Variants in PDE3A observed in about 807,000 individuals in gnomAD.
The protein encoded by PDE3A is cGMP-inhibited 3',5'-cyclic phosphodiesterase 3A.
A neutral mutation model predicts 98.3 loss-of-function variants in PDE3A; 43 were observed. That is an observed-to-expected ratio of 0.44 (90% CI 0.34 to 0.56). PDE3A has a LOEUF of 0.56. Among genes scored for constraint, PDE3A ranks in the 20% least tolerant of loss-of-function variants. The pLI, the probability that PDE3A is intolerant of heterozygous loss-of-function variation, is 0.01. For synonymous variants in PDE3A, 663 were observed against 567.9 expected (o/e 1.17, Z -2.38); for missense variants, 1,427 against 1,440.7 (o/e 0.99, Z 0.15).
intron 4 of PDE3A, among the ~76,000 whole-genome samples, chr12:20,619,602 T>G (rs1369908748): frequency 2.0e-5 from 3 of 152,096 alleles, no homozygotes; most frequent in African/African-American, 7.2e-5. Context: ...AGTGTTGTTA[T>G]CTGTTTCAGA....
At chr12:20,412,311 A>G (rs1944347867) in intron 1 of PDE3A, among the ~76,000 whole-genome samples, 1 of 152,228 alleles carries the variant, frequency 6.6e-6, no homozygotes, top group African/African-American at 2.4e-5. Flanking sequence ...CTTTTATTGC[A>G]TGATTGCCAG....
intron 1 of PDE3A, among the ~76,000 whole-genome samples, chr12:20,519,993 A>C (rs147672183): frequency 1.3e-5 from 2 of 152,282 alleles, no homozygotes; most frequent in African/African-American, 4.8e-5. Flanking sequence ...GATGCAGCTG[A>C]TTCGGATTTA....
chr12:20,431,329 C>T (rs2120801762), intron 1 of PDE3A, among the ~76,000 whole-genome samples: 4 of 152,180 alleles, frequency 2.6e-5, no homozygotes, highest in Admixed American at 2.6e-4. Context: ...TTGTTCTTCA[C>T]AGAAATGTTG....
intron 2 of PDE3A, among the ~76,000 whole-genome samples, chr12:20,572,605 G>A (rs955093797): frequency 1.6e-4 from 24 of 151,728 alleles, no homozygotes; most frequent in Admixed American, 5.3e-4. Flanking sequence ...TATTTTCCTC[G>A]TGGATTAGTA....
intron 8 of PDE3A, among the ~76,000 whole-genome samples, chr12:20,636,087 G>A: frequency 6.6e-6 from 1 of 152,118 alleles, no homozygotes; most frequent in African/African-American, 2.4e-5. Flanking sequence ...GGCATCTGCT[G>A]GTTTTCTCTA....
intron 15 of PDE3A, among the ~76,000 whole-genome samples, chr12:20,674,497 G>T (rs1388241480): frequency 2.0e-5 from 3 of 152,132 alleles, no homozygotes; most frequent in Non-Finnish European, 4.4e-5. Flanking sequence ...TTATCATGAA[G>T]TGATGTTGAA....
At chr12:20,424,615 G>A (rs980738933) in intron 1 of PDE3A, among the ~76,000 whole-genome samples, 4 of 152,146 alleles carry the variant, frequency 2.6e-5, no homozygotes, top group Admixed American at 2.6e-4. Flanking sequence ...GTAGAATGAT[G>A]TTTACACCTG....
At chr12:20,667,347 G>A (rs560999425) in intron 15 of PDE3A, among the ~76,000 whole-genome samples, 1 of 151,944 alleles carries the variant, frequency 6.6e-6, no homozygotes, top group African/African-American at 2.4e-5. Flanking sequence ...AATAATCTTT[G>A]CTTAGGTCAA....
At chr12:20,477,151 A>T (rs74066450) in intron 1 of PDE3A, among the ~76,000 whole-genome samples, 8,394 of 152,232 alleles carry the variant, frequency 0.055, 255 homozygotes, top group Middle Eastern at 0.065. Flanking sequence ...TTGCTAGAGT[A>T]CAAAAAAGGA....
In PDE3A at chr12:20,552,223, C is replaced by G; in HGVS notation, c.961-4437C>G. On this transcript the variant is annotated intron_variant, in intron 1 of 15. Transcript: ENST00000359062. This position sits in a 1 kb window ranked among gnomAD's most constrained non-coding sequence, Gnocchi z 5.1. ...GGCCAAGGACTGGCGGTCGGGGAAG[C>G]CGGTCAGGGTGGTGCGCAATGTCAA... The G allele has an allele frequency of 6.2e-7, 1 of 1,613,918 alleles. No individual in the cohort carries two copies. The highest frequency in any genetic ancestry group is 8.5e-7 in the Non-Finnish European group (1 of 1,179,880).
intron 1 of PDE3A, among the ~76,000 whole-genome samples, chr12:20,384,856 C>T (rs1218361707): frequency 3.2e-4 from 49 of 151,930 alleles, no homozygotes; most frequent in Non-Finnish European, 5.6e-4. Context: ...GCAAAGGAGA[C>T]GACCTCATTC....
chr12:20,381,146 A>T (rs543787249), intron 1 of PDE3A, among the ~76,000 whole-genome samples: 1 of 151,996 alleles, frequency 6.6e-6, no homozygotes. Context: ...ACCCCTTTAC[A>T]GAGCTACAGC....
chr12:20,403,537 A>G (rs552335532), intron 1 of PDE3A, among the ~76,000 whole-genome samples: 1 of 152,270 alleles, frequency 6.6e-6, no homozygotes, highest in South Asian at 2.1e-4. Flanking sequence ...TCCATTTACC[A>G]TCTAGCAGCC....
At chr12:20,624,617 T>C (rs1043630709) in intron 5 of PDE3A, among the ~76,000 whole-genome samples, 1 of 152,180 alleles carries the variant, frequency 6.6e-6, no homozygotes, top group East Asian at 1.9e-4. Flanking sequence ...TTTTGCATTG[T>C]GGCATCTTTA....
At chr12:20,444,968 A>G (rs1004758852) in intron 1 of PDE3A, among the ~76,000 whole-genome samples, 2 of 152,224 alleles carry the variant, frequency 1.3e-5, no homozygotes, top group African/African-American at 4.8e-5. Flanking sequence ...GGATCAGTAA[A>G]TTTTGCACTA....
At chr12:20,590,101 C>T (rs558745962) in intron 2 of PDE3A, among the ~76,000 whole-genome samples, 16 of 151,904 alleles carry the variant, frequency 1.1e-4, no homozygotes, top group African/African-American at 1.7e-4. Flanking sequence ...TGCTCTATTA[C>T]GCAGCATATA....
intron 1 of PDE3A, among the ~76,000 whole-genome samples, chr12:20,512,238 C>A (rs1007945329): frequency 2.6e-5 from 4 of 151,692 alleles, no homozygotes; most frequent in African/African-American, 9.7e-5. Context: ...ATGTTAATAA[C>A]AGAAAAGTGA....
intron 2 of PDE3A, among the ~76,000 whole-genome samples, chr12:20,592,475 T>C (rs1213017811): frequency 6.6e-6 from 1 of 152,224 alleles, no homozygotes; most frequent in Non-Finnish European, 1.5e-5. Flanking sequence ...ACTCTATTTT[T>C]TTCCTTCAGT....
intron 5 of PDE3A, among the ~76,000 whole-genome samples, chr12:20,627,141 C>G (rs1944280696): frequency 2.0e-5 from 1 of 49,744 alleles, no homozygotes; most frequent in Non-Finnish European, 4.4e-5. Flanking sequence ...AACTATTGTT[C>G]TGTTAAAAAA....
Sources: allele counts gnomAD v4.1 joint callset (sites outside exome capture counted in the v4.1 genomes callset), GRCh38; gene constraint gnomAD v4.1.1; non-coding constraint Gnocchi (gnomAD v3.1); transcripts MANE v1.5; gene names NCBI Gene and HGNC (gene_info 2026-07-23, HGNC 2026-07-21).